Variants in TMEM108 observed in about 807,000 individuals in gnomAD.
TMEM108 encodes the protein cancer/testis antigen 124.
Under a neutral mutation model 35.1 loss-of-function variants are expected in TMEM108, and 12 were observed. The observed-to-expected ratio is 0.34, with a 90% CI of 0.22 to 0.55. The LOEUF is 0.55. Among genes scored for constraint, TMEM108 ranks in the 20% least tolerant of loss-of-function variants. TMEM108 has a pLI of 0.89. For synonymous variants in TMEM108, 287 were observed against 308.6 expected, an observed-to-expected ratio of 0.93 and a Z score of 0.73; for missense variants, 680 against 753.3, an observed-to-expected ratio of 0.90 and a Z score of 1.14.
At chr3:133,108,353 A>T (rs1397670110) in intron 2 of TMEM108, among the ~76,000 whole-genome samples, 4 of 151,810 alleles carry the variant, frequency 2.6e-5, no homozygotes, top group African/African-American at 7.3e-5. Flanking sequence ...TTTGATTTGC[A>T]TTTCTCTGAT....
intron 4 of TMEM108, 114 bp from the exon 5 acceptor site, chr3:133,390,066 T>C: frequency 3.0e-6 from 4 of 1,312,654 alleles, no homozygotes; most frequent in Non-Finnish European, 3.2e-6. Context: ...GCCCTGCCCC[T>C]TTTCCCACCA....
At chr3:133,113,915 A>T (rs539141663) in intron 2 of TMEM108, among the ~76,000 whole-genome samples, 1 of 152,334 alleles carries the variant, frequency 6.6e-6, no homozygotes, top group African/African-American at 2.4e-5. Context: ...TCCTGCATAC[A>T]GAATGATTGA....
At chr3:133,293,824 T>C (rs1024315016) in intron 3 of TMEM108, among the ~76,000 whole-genome samples, 2 of 152,138 alleles carry the variant, frequency 1.3e-5, no homozygotes, top group African/African-American at 2.4e-5. Flanking sequence ...CTAGTTCAGA[T>C]TGGAAGCAGA....
At chr3:133,189,133 C>T (rs1003863571) in intron 2 of TMEM108, among the ~76,000 whole-genome samples, 10 of 152,242 alleles carry the variant, frequency 6.6e-5, no homozygotes, top group African/African-American at 2.4e-4. Context: ...TTCCTTGGTT[C>T]TCTTTCCTCT....
intron 3 of TMEM108, among the ~76,000 whole-genome samples, chr3:133,244,947 TG>T (rs1300541492): frequency 2.0e-5 from 3 of 152,200 alleles, no homozygotes; most frequent in Non-Finnish European, 4.4e-5. Flanking sequence ...CTAGATGTCA[TG>T]TAATTTTCAT....
At chr3:133,214,232 G>T (rs1945873755) in intron 2 of TMEM108, among the ~76,000 whole-genome samples, 1 of 152,126 alleles carries the variant, frequency 6.6e-6, no homozygotes, top group Non-Finnish European at 1.5e-5. Flanking sequence ...AAGGATCAGA[G>T]CTCAAGAAAC....
At chr3:133,039,409 T>C (rs907648673) in intron 1 of TMEM108, among the ~76,000 whole-genome samples, 2 of 152,178 alleles carry the variant, frequency 1.3e-5, no homozygotes, top group Non-Finnish European at 2.9e-5. Flanking sequence ...CCTTAATTCT[T>C]TGAAAAGTGT....
intron 2 of TMEM108, among the ~76,000 whole-genome samples, chr3:133,196,048 C>T (rs1399116703): frequency 2.0e-5 from 3 of 152,214 alleles, no homozygotes; most frequent in African/African-American, 7.2e-5. Context: ...TCTTTGTCCA[C>T]CTTTTACAGA....
chr3:133,365,758 T>C (rs1201674), intron 3 of TMEM108, among the ~76,000 whole-genome samples: 16,963 of 152,158 alleles, frequency 0.11, 1,435 homozygotes, highest in East Asian at 0.38. Context: ...GGGTTTGAAC[T>C]ATATCCCCGG....
intron 5 of TMEM108, among the ~76,000 whole-genome samples, chr3:133,391,922 C>G (rs1490291308): frequency 6.6e-6 from 1 of 152,176 alleles, no homozygotes; most frequent in East Asian, 1.9e-4. Flanking sequence ...TAGTACCCCT[C>G]TCCCCTACTT....
chr3:133,237,254 A>G (rs2107657887), intron 3 of TMEM108, among the ~76,000 whole-genome samples: 2 of 152,142 alleles, frequency 1.3e-5, no homozygotes, highest in South Asian at 4.2e-4. Context: ...GCAATCCCAA[A>G]TACATGAAGC....
intron 2 of TMEM108, among the ~76,000 whole-genome samples, chr3:133,113,848 G>A (rs1165049032): frequency 6.6e-6 from 1 of 152,096 alleles, no homozygotes; most frequent in Non-Finnish European, 1.5e-5. Context: ...CAGTTCCCAG[G>A]GTCTTGTTTG....
At chr3:133,272,474 G>A (rs1254669879) in intron 3 of TMEM108, among the ~76,000 whole-genome samples, 1 of 152,172 alleles carries the variant, frequency 6.6e-6, no homozygotes, top group Admixed American at 6.5e-5. Flanking sequence ...ACAGTTGATG[G>A]AGGTTAAAGC....
At chr3:133,338,868 CAA>C (rs2071579841) in intron 3 of TMEM108, among the ~76,000 whole-genome samples, 1 of 151,766 alleles carries the variant, frequency 6.6e-6, no homozygotes, top group South Asian at 2.1e-4. Context: ...GTTATTTATG[CAA>C]AGAGTGTTGT....
At position 133,380,273 on chromosome 3, in the gene TMEM108, G is replaced by C. The variant is rs1251373751; in HGVS notation, c.562G>C (p.Gly188Arg). ...NSSRPVPPAP[G>R]GHSRSKEGQR... ...ATCACGCCCTGTCCCGCCTGCACCT[G>C]GTGGCCACTCCAGGAGTAAAGAAGG... The change falls in exon 4 of 6, where the codon GGT becomes CGT. Residue 188 changes from glycine to arginine, a missense_variant. Gly to Arg is a moderately radical substitution (Grantham distance 125). Transcript: ENST00000321871. This position sits in a 1 kb window ranked among gnomAD's most constrained non-coding sequence, Gnocchi z 5.3. The C allele has an allele frequency of 3.1e-6, 5 of 1,613,880 alleles. No homozygotes were observed. Among genetic ancestry groups the C allele is most frequent in the Non-Finnish European group, 4.2e-6 (5 of 1,179,988 alleles).
intron 3 of TMEM108, among the ~76,000 whole-genome samples, chr3:133,308,997 G>A (rs1350819951): frequency 6.6e-6 from 1 of 152,058 alleles, no homozygotes; most frequent in African/African-American, 2.4e-5. Flanking sequence ...GTCCTGGACT[G>A]TTTTTGGTTG....
At chr3:133,050,991 T>TG (rs1333530400) in intron 2 of TMEM108, among the ~76,000 whole-genome samples, 7 of 151,812 alleles carry the variant, frequency 4.6e-5, no homozygotes, top group African/African-American at 1.5e-4. Context: ...TTTTTTTTTT[T>TG]TGTGGACATA....
intron 3 of TMEM108, among the ~76,000 whole-genome samples, chr3:133,304,599 T>C (rs1947275848): frequency 6.6e-6 from 1 of 152,210 alleles, no homozygotes; most frequent in Admixed American, 6.5e-5. Context: ...TTATACATTC[T>C]GTATAGTCTC....
chr3:133,341,173 AC>A (rs1194622931), intron 3 of TMEM108, among the ~76,000 whole-genome samples: 3 of 151,814 alleles, frequency 2.0e-5, no homozygotes, highest in African/African-American at 7.2e-5. Flanking sequence ...CTCCATACAC[AC>A]CAAAAAAACT....
Sources: gnomAD v4.1 joint callset for allele counts (sites outside exome capture counted in the v4.1 genomes callset) on GRCh38, gnomAD v4.1.1 for gene constraint, Gnocchi (gnomAD v3.1) non-coding constraint, MANE v1.5 for transcripts, NCBI Gene and HGNC (gene_info 2026-07-23, HGNC 2026-07-21) for gene names.